The following SLC24A2 variants were observed in gnomAD, a reference collection of about 807,000 sequenced individuals.
SLC24A2 encodes the protein sodium/potassium/calcium exchanger 2.
In SLC24A2, 36 loss-of-function variants were observed where a neutral mutation model predicts 62.0. That is an observed-to-expected ratio of 0.58 (90% CI 0.44 to 0.77). The LOEUF (loss-of-function observed/expected upper bound fraction) is 0.77, where lower values mean the gene tolerates loss of function less well. Ranked by LOEUF, SLC24A2 falls within the 30% of genes least tolerant of loss-of-function variation. The pLI is 0.00. For missense variants in SLC24A2, 846 were observed against 817.9 expected (o/e 1.03, Z -0.42); for synonymous variants, 358 against 294.0 (o/e 1.22, Z -2.23).
At chr9:19,901,708 T>C in the SLC24A2 span, among the ~76,000 whole-genome samples, 15 of 152,328 alleles carry the variant, frequency 9.8e-5, no homozygotes, top group South Asian at 2.1e-3. Context: ...AGGCTGAAGC[T>C]GGGACATGAA....
chr9:20,259,724 T>C, the SLC24A2 span, among the ~76,000 whole-genome samples: 3 of 152,092 alleles, frequency 2.0e-5, no homozygotes, highest in African/African-American at 4.8e-5. Context: ...CAGTCCCCAA[T>C]AGCTATGATT....
At chr9:19,780,596 A>T (rs2118926181) in intron 2 of SLC24A2, among the ~76,000 whole-genome samples, 1 of 151,870 alleles carries the variant, frequency 6.6e-6, no homozygotes. Flanking sequence ...GGCAAGCATC[A>T]AGATAATAGA....
upstream of SLC24A2, among the ~76,000 whole-genome samples, chr9:19,793,216 G>A (rs1823340821): frequency 6.6e-6 from 1 of 152,218 alleles, no homozygotes; most frequent in African/African-American, 2.4e-5. Flanking sequence ...TTAAAACAAT[G>A]AAGGTTTTTG....
chr9:19,708,672 A>T (rs1820612895), intron 2 of SLC24A2, among the ~76,000 whole-genome samples: 1 of 152,272 alleles, frequency 6.6e-6, no homozygotes, highest in African/African-American at 2.4e-5. Context: ...TCCCTATTTA[A>T]TAAATGGTGC....
chr9:20,071,731 C>G, the SLC24A2 span, among the ~76,000 whole-genome samples: 12 of 152,246 alleles, frequency 7.9e-5, no homozygotes, highest in South Asian at 2.3e-3. Context: ...CCAACACTAT[C>G]TCTGGATAGA....
chr9:19,926,152 A>T, the SLC24A2 span: 1 of 152,204 alleles, frequency 6.6e-6, no homozygotes, highest in Admixed American at 6.5e-5. Flanking sequence ...TCTGTGCTGC[A>T]GTCACTAAGC....
chr9:19,718,862 A>T (rs923248567), intron 2 of SLC24A2, among the ~76,000 whole-genome samples: 2 of 151,612 alleles, frequency 1.3e-5, no homozygotes, highest in Non-Finnish European at 2.9e-5. Flanking sequence ...TTCCCTCATG[A>T]CTCTCTCTGA....
At chr9:20,258,279 A>T in the SLC24A2 span, among the ~76,000 whole-genome samples, 134 of 152,364 alleles carry the variant, frequency 8.8e-4, no homozygotes, top group African/African-American at 3.0e-3. Flanking sequence ...AATTATTCTC[A>T]ATGCTTCAGT....
the SLC24A2 span, among the ~76,000 whole-genome samples, chr9:19,959,303 G>C: frequency 6.6e-6 from 1 of 152,164 alleles, no homozygotes; most frequent in African/African-American, 2.4e-5. Flanking sequence ...TACAAAAATG[G>C]ATTCAATCAG....
intron 2 of SLC24A2, among the ~76,000 whole-genome samples, chr9:19,666,596 G>T (rs1819260373): frequency 6.6e-6 from 1 of 152,140 alleles, no homozygotes; most frequent in Admixed American, 6.5e-5. Flanking sequence ...TATTTTTAGT[G>T]CAGAGTTTAG....
At chr9:20,243,688 G>T in the SLC24A2 span, among the ~76,000 whole-genome samples, 32 of 152,238 alleles carry the variant, frequency 2.1e-4, no homozygotes, top group East Asian at 4.8e-3. Context: ...TGTCTTAGAA[G>T]ACTTTTAATT....
At chr9:20,248,757 G>C in the SLC24A2 span, among the ~76,000 whole-genome samples, 28 of 152,166 alleles carry the variant, frequency 1.8e-4, no homozygotes, top group Admixed American at 1.8e-3. Context: ...ATCTTATCAG[G>C]AACAGAGTAA....
the SLC24A2 span, among the ~76,000 whole-genome samples, chr9:19,819,733 G>A: frequency 6.6e-6 from 1 of 151,522 alleles, no homozygotes; most frequent in African/African-American, 2.4e-5. Context: ...CAGTGAATAG[G>A]GAACATATCT....
At chr9:20,067,027 TAC>T in the SLC24A2 span, among the ~76,000 whole-genome samples, 7 of 152,354 alleles carry the variant, frequency 4.6e-5, no homozygotes, top group African/African-American at 9.6e-5. Flanking sequence ...GGAAAATGTT[TAC>T]AGTTTTGAAG....
intron 2 of SLC24A2, among the ~76,000 whole-genome samples, chr9:19,760,020 T>C (rs1564084804): frequency 6.6e-6 from 1 of 152,218 alleles, no homozygotes; most frequent in South Asian, 2.1e-4. Context: ...TTGTTGAATG[T>C]TGGTGTGATC....
intron 5 of SLC24A2, among the ~76,000 whole-genome samples, chr9:19,581,382 A>G (rs1278604882): frequency 1.3e-5 from 2 of 152,152 alleles, no homozygotes; most frequent in Non-Finnish European, 2.9e-5. Context: ...AGACCAAGGG[A>G]CTACTGCTGC....
chr9:20,261,548 A>T, the SLC24A2 span, among the ~76,000 whole-genome samples: 2 of 151,946 alleles, frequency 1.3e-5, no homozygotes, highest in East Asian at 1.9e-4. Context: ...CCCAATCACC[A>T]CCTGGTAGGC....
chr9:19,760,080 A>G (rs1822272465), intron 2 of SLC24A2, among the ~76,000 whole-genome samples: 2 of 152,118 alleles, frequency 1.3e-5, no homozygotes, highest in African/African-American at 4.8e-5. Context: ...CAAATTTTGG[A>G]AATCTGTTGC....
the SLC24A2 span, among the ~76,000 whole-genome samples, chr9:20,220,569 T>C: frequency 6.6e-6 from 1 of 152,128 alleles, no homozygotes; most frequent in African/African-American, 2.4e-5. Context: ...CCCAGGGAAG[T>C]CTCCTGTGAT....
Sources: allele counts gnomAD v4.1 joint callset (sites outside exome capture counted in the v4.1 genomes callset), GRCh38; gene constraint gnomAD v4.1.1; transcripts MANE v1.5; gene names NCBI Gene and HGNC (gene_info 2026-07-23, HGNC 2026-07-21).